The following GRM8 variants were observed in gnomAD, a reference collection of about 807,000 sequenced individuals.
The protein encoded by GRM8 is glutamate metabotropic receptor 8, also known as metabotropic glutamate receptor 8.
A neutral mutation model predicts 87.2 loss-of-function variants in GRM8; 47 were observed. That is an observed-to-expected ratio of 0.54 (90% CI 0.43 to 0.69). The LOEUF is 0.69. Among genes scored for constraint, GRM8 ranks in the 30% least tolerant of loss-of-function variants. The pLI, the probability that GRM8 is intolerant of heterozygous loss-of-function variation, is 0.00. For missense variants in GRM8, 1,019 were observed against 1,139.2 expected (o/e 0.89, Z 1.52); for synonymous variants, 396 against 404.5 (o/e 0.98, Z 0.25).
intron 7 of GRM8, among the ~76,000 whole-genome samples, chr7:126,689,010 A>C (rs2151361275): frequency 6.6e-6 from 1 of 151,896 alleles, no homozygotes; most frequent in East Asian, 1.9e-4. Flanking sequence ...TCCTCAGAAA[A>C]CTCTGGAAAA....
At chr7:126,814,257 C>T (rs1037119472) in intron 6 of GRM8, among the ~76,000 whole-genome samples, 2 of 152,050 alleles carry the variant, frequency 1.3e-5, no homozygotes, top group African/African-American at 4.8e-5. Flanking sequence ...TCCTTTCCTA[C>T]ACAGCCTCTT....
chr7:127,239,912 T>C lies in GRM8; in HGVS notation c.510+2783A>G, dbSNP rs146487637. On this transcript the variant is annotated intron_variant, in intron 2 of 10. Coordinates refer to ENST00000339582, the MANE Select transcript of GRM8 (RefSeq NM_000845.3). ...ACAGACGATTTTCAAGTCCAATAAC[T>C]TGGTTAATAACTAGATTTGCTTCTG... Among the ~76,000 whole-genome samples the C allele has an allele frequency of 4.0e-3, 616 of 152,344 alleles. 4 individuals are homozygous for C. Among genetic ancestry groups the C allele is most frequent in the Middle Eastern group, 0.017 (5 of 294 alleles).
At chr7:127,248,941 T>C (rs1798720895) in intron 1 of GRM8, among the ~76,000 whole-genome samples, 1 of 152,142 alleles carries the variant, frequency 6.6e-6, no homozygotes, top group Admixed American at 6.5e-5. Context: ...CTAAAGGTCA[T>C]GGACACTGAG....
intron 8 of GRM8, among the ~76,000 whole-genome samples, chr7:126,600,276 T>A (rs1797604660): frequency 6.6e-6 from 1 of 152,160 alleles, no homozygotes; most frequent in African/African-American, 2.4e-5. Context: ...GTTTGGAGTG[T>A]ATGGGTCTAC....
At chr7:127,154,688 A>T (rs962354524) in intron 2 of GRM8, among the ~76,000 whole-genome samples, 1 of 152,074 alleles carries the variant, frequency 6.6e-6, no homozygotes, top group Non-Finnish European at 1.5e-5. Flanking sequence ...CATTTCTTAG[A>T]TATCAATTCT....
chr7:126,850,484 T>C (rs75994072), intron 6 of GRM8, among the ~76,000 whole-genome samples: 2,044 of 152,250 alleles, frequency 0.013, 15 homozygotes, highest in Non-Finnish European at 0.021. Flanking sequence ...GGAGAACACA[T>C]ACTCATACAT....
intron 6 of GRM8, among the ~76,000 whole-genome samples, chr7:126,799,042 T>C (rs1480133463): frequency 1.3e-5 from 2 of 151,584 alleles, no homozygotes; most frequent in Non-Finnish European, 2.9e-5. Flanking sequence ...ATTTGGGGAG[T>C]TGAAAATGGG....
At chr7:126,925,358 T>C (rs956723633) in intron 3 of GRM8, among the ~76,000 whole-genome samples, 2 of 152,218 alleles carry the variant, frequency 1.3e-5, no homozygotes, top group Non-Finnish European at 2.9e-5. Context: ...TGCACATGTG[T>C]TCTATTATTA....
At chr7:126,626,646 A>G (rs1800726546) in intron 7 of GRM8, among the ~76,000 whole-genome samples, 1 of 152,214 alleles carries the variant, frequency 6.6e-6, no homozygotes, top group African/African-American at 2.4e-5. Context: ...ATAATAAGAC[A>G]AAGCAGTATG....
At chr7:126,595,057 A>T (rs1797030826) in intron 8 of GRM8, among the ~76,000 whole-genome samples, 1 of 152,162 alleles carries the variant, frequency 6.6e-6, no homozygotes, top group Non-Finnish European at 1.5e-5. Context: ...AACTTGGATG[A>T]AATTAAAAAA....
At chr7:127,136,816 G>T (rs1342628853) in intron 2 of GRM8, among the ~76,000 whole-genome samples, 1 of 151,740 alleles carries the variant, frequency 6.6e-6, no homozygotes, top group Non-Finnish European at 1.5e-5. Context: ...AGAGGAATGT[G>T]TACCAAGCAG....
rs5887324 is a variant in GRM8, at chr7:127,062,141, C to CA, written c.727+44354dup. ...CCTGGGCAACAGAGCAAGACTCCAT[C>CA]AAAAAAAAAAAAAAAGGAGAGAGAA... is the stretch of plus-strand genomic sequence containing the variant. On this transcript the variant is annotated intron_variant, in intron 3 of 10. Coordinates refer to ENST00000339582, the MANE Select transcript of GRM8 (RefSeq NM_000845.3). 4.0e-3 allele frequency among the ~76,000 whole-genome samples: 534 copies of CA among 134,960 alleles called. 4 individuals carry two copies. The highest frequency in any genetic ancestry group is 0.012 in the African/African-American group (427 of 37,014). The allele number at this position is 134,960 out of a possible 152,430, so 88.5% of individuals were successfully genotyped here.
chr7:126,518,149 G>A (rs571645767), intron 9 of GRM8, among the ~76,000 whole-genome samples: 88 of 152,074 alleles, frequency 5.8e-4, no homozygotes, highest in Non-Finnish European at 1.0e-3. Context: ...TACATTAACT[G>A]GCAGTATGAG....
chr7:126,626,172 A>G (rs2151157955), intron 7 of GRM8, among the ~76,000 whole-genome samples: 1 of 150,566 alleles, frequency 6.6e-6, no homozygotes, highest in East Asian at 2.0e-4. Flanking sequence ...TACTAGGAAA[A>G]GGTCTTTCAT....
intron 3 of GRM8, among the ~76,000 whole-genome samples, chr7:127,101,533 C>G (rs1449003759): frequency 3.3e-5 from 5 of 152,182 alleles, no homozygotes; most frequent in Non-Finnish European, 5.9e-5. Flanking sequence ...GCATCTCCCC[C>G]ATTCCCAACT....
At chr7:126,744,970 A>G (rs1034371167) in intron 7 of GRM8, among the ~76,000 whole-genome samples, 2 of 119,964 alleles carry the variant, frequency 1.7e-5, no homozygotes, top group South Asian at 4.9e-4. Flanking sequence ...TAATTGATTT[A>G]TTATTATTTT....
intron 7 of GRM8, among the ~76,000 whole-genome samples, chr7:126,637,683 T>C (rs748626938): frequency 1.2e-4 from 18 of 152,112 alleles, no homozygotes; most frequent in Non-Finnish European, 2.6e-4. Context: ...GTAGGCCAAA[T>C]TTAATTTGAG....
intron 2 of GRM8, among the ~76,000 whole-genome samples, chr7:127,176,990 G>A (rs922613052): frequency 6.6e-6 from 1 of 152,114 alleles, no homozygotes; most frequent in Non-Finnish European, 1.5e-5. Flanking sequence ...TTGAAGGGTG[G>A]GAAGCCTCCT....
At chr7:126,760,627 T>A (rs1181787429) in intron 7 of GRM8, among the ~76,000 whole-genome samples, 1 of 152,172 alleles carries the variant, frequency 6.6e-6, no homozygotes, top group Non-Finnish European at 1.5e-5. Flanking sequence ...TTTTAAAAAG[T>A]GAATGTATAT....
Sources: gnomAD v4.1 joint callset for allele counts (sites outside exome capture counted in the v4.1 genomes callset) on GRCh38, gnomAD v4.1.1 for gene constraint, MANE v1.5 for transcripts, NCBI Gene and HGNC (gene_info 2026-07-23, HGNC 2026-07-21) for gene names.